Variants in AKAP6 observed in about 807,000 individuals in gnomAD.
AKAP6 encodes the protein A-kinase anchoring protein 6.
In AKAP6, 58 loss-of-function variants were observed where a neutral mutation model predicts 188.5. That is an observed-to-expected ratio of 0.31 (90% confidence interval 0.25 to 0.38). The LOEUF is 0.38. Among genes scored for constraint, AKAP6 ranks in the 10% least tolerant of loss-of-function variants. AKAP6 has a pLI of 1.00. For synonymous variants in AKAP6, 989 were observed against 998.6 expected (o/e 0.99, Z 0.18); for missense variants, 2,710 against 2,740.0 (o/e 0.99, Z 0.24).
At position 32,535,609 on chromosome 14, in the gene AKAP6, C is replaced by T; in HGVS notation, c.380C>T (p.Thr127Ile). ...GAGCAAATCCATGCCCTCCTTGAAA[C>T]AGAGTTCTCCCTAAAGCTGCTGTCT... is the stretch of plus-strand genomic sequence containing the variant. Reference protein sequence around the residue: ...HVEQIHALLETEFSLKLLSYS... With the variant: ...HVEQIHALLEIEFSLKLLSYS... Residue 127 changes from threonine (T) to isoleucine (I), a missense_variant, in exon 3 of 14, where the codon ACA becomes ATA. Physicochemically the swap from Thr to Ile is moderately conservative, Grantham distance 89. Around this residue, in one of 2 missense-constraint regions of AKAP6, gnomAD observed 237 missense variants for 313.9 expected, o/e 0.76. Coordinates refer to ENST00000280979, the MANE Select transcript of AKAP6 (RefSeq NM_004274.5). 1 of 1,614,178 alleles carries T rather than the reference C, an allele frequency of 6.2e-7. No individual in the cohort carries two copies. Among genetic ancestry groups the T allele is most frequent in the Non-Finnish European group, 8.5e-7 (1 of 1,179,982 alleles).
At chr14:32,695,853 C>A in intron 8 of AKAP6, 137 bp from the exon 9 acceptor site, 1 of 1,108,962 alleles carries the variant, frequency 9.0e-7, no homozygotes, top group Non-Finnish European at 1.2e-6. Flanking sequence ...CAGTGTGTAA[C>A]AACATAGAAA....
chr14:32,799,572 G>A (rs2033875750), intron 12 of AKAP6, among the ~76,000 whole-genome samples: 1 of 151,930 alleles, frequency 6.6e-6, no homozygotes, highest in African/African-American at 2.4e-5. Flanking sequence ...TAACTCAGGT[G>A]TTATTTAGTA....
intron 9 of AKAP6, among the ~76,000 whole-genome samples, chr14:32,717,608 T>TCA (rs57925449): frequency 0.16 from 24,050 of 147,692 alleles, 3,241 homozygotes; most frequent in African/African-American, 0.36. Context: ...TTGTCTCTTA[T>TCA]CACACACACA....
intron 4 of AKAP6, among the ~76,000 whole-genome samples, chr14:32,576,292 T>C (rs1053720126): frequency 6.6e-6 from 1 of 152,108 alleles, no homozygotes; most frequent in African/African-American, 2.4e-5. Flanking sequence ...GGTGGTGCTG[T>C]TTACCCAGAC....
chr14:32,757,286 G>T (rs1247629349), intron 11 of AKAP6, among the ~76,000 whole-genome samples: 1 of 152,164 alleles, frequency 6.6e-6, no homozygotes, highest in Non-Finnish European at 1.5e-5. Context: ...TCTGTTTAGG[G>T]GATGAGCACT....
chr14:32,534,298 AAATCACTAATGT>A (rs1461410088), intron 2 of AKAP6, among the ~76,000 whole-genome samples: 3 of 152,186 alleles, frequency 2.0e-5, no homozygotes, highest in African/African-American at 7.2e-5. Flanking sequence ...CAGTTTTAAA[AAATCACTAATGT>A]AAAACTAAAA....
At chr14:32,533,808 C>T (rs769967760) in intron 2 of AKAP6, among the ~76,000 whole-genome samples, 12 of 152,260 alleles carry the variant, frequency 7.9e-5, no homozygotes, top group East Asian at 3.9e-4. Flanking sequence ...CCAGCAGAGA[C>T]GAGCTAATCT....
chr14:32,558,976 C>T (rs370220512), intron 4 of AKAP6, among the ~76,000 whole-genome samples: 52 of 152,054 alleles, frequency 3.4e-4, no homozygotes, highest in East Asian at 1.7e-3. Context: ...GAAGGTGTCT[C>T]GTAAACTAAC....
chr14:32,645,482 T>C (rs1490555005), intron 7 of AKAP6, among the ~76,000 whole-genome samples: 2 of 152,190 alleles, frequency 1.3e-5, no homozygotes, highest in Non-Finnish European at 2.9e-5. Flanking sequence ...GGAGTCTCAC[T>C]TGTTGCCCTA....
intron 12 of AKAP6, among the ~76,000 whole-genome samples, chr14:32,793,210 C>T (rs2033662017): frequency 1.3e-5 from 2 of 151,938 alleles, no homozygotes; most frequent in Admixed American, 1.3e-4. Context: ...ACTAAATGCC[C>T]CAATTAAAAG....
At chr14:32,728,980 T>C (rs2031031219) in intron 9 of AKAP6, among the ~76,000 whole-genome samples, 1 of 152,280 alleles carries the variant, frequency 6.6e-6, no homozygotes, top group African/African-American at 2.4e-5. Flanking sequence ...AAAGATTCAC[T>C]CGGTAGAGTC....
At chr14:32,441,336 A>G (rs1890569555) in intron 2 of AKAP6, among the ~76,000 whole-genome samples, 1 of 152,198 alleles carries the variant, frequency 6.6e-6, no homozygotes, top group Non-Finnish European at 1.5e-5. Context: ...TGGTATCATC[A>G]ACTAATAAAA....
At chr14:32,330,048 G>T (rs184946840) in intron 1 of AKAP6, among the ~76,000 whole-genome samples, 38 of 152,212 alleles carry the variant, frequency 2.5e-4, no homozygotes, top group African/African-American at 8.2e-4. Context: ...TTGAAAGACT[G>T]CCACATATTT....
At chr14:32,485,957 C>A (rs114939507) in intron 2 of AKAP6, among the ~76,000 whole-genome samples, 1 of 152,118 alleles carries the variant, frequency 6.6e-6, no homozygotes, top group African/African-American at 2.4e-5. Context: ...TTAGGCCTTA[C>A]GTTTAAATCT....
chr14:32,524,553 AG>A (rs1161142164), intron 2 of AKAP6, among the ~76,000 whole-genome samples: 4 of 152,214 alleles, frequency 2.6e-5, no homozygotes, highest in Non-Finnish European at 4.4e-5. Context: ...TGTACAAAAA[AG>A]CAAAAGAGAA....
At chr14:32,583,557 G>T (rs1456093255) in intron 5 of AKAP6, among the ~76,000 whole-genome samples, 1 of 152,220 alleles carries the variant, frequency 6.6e-6, no homozygotes, top group Non-Finnish European at 1.5e-5. Flanking sequence ...CTTTTTGTTT[G>T]TCTGTGCCCT....
At chr14:32,714,508 A>C (rs555940077) in intron 9 of AKAP6, among the ~76,000 whole-genome samples, 1 of 152,118 alleles carries the variant, frequency 6.6e-6, no homozygotes, top group African/African-American at 2.4e-5. Flanking sequence ...TCAGACCATA[A>C]AAACATAAAT....
chr14:32,653,258 G>C (rs1434176721), intron 7 of AKAP6, among the ~76,000 whole-genome samples: 1 of 152,028 alleles, frequency 6.6e-6, no homozygotes, highest in Admixed American at 6.6e-5. Flanking sequence ...AATAAGTGTT[G>C]TGATATAGTT....
intron 1 of AKAP6, among the ~76,000 whole-genome samples, chr14:32,382,326 G>T (rs1458810909): frequency 6.6e-6 from 1 of 152,162 alleles, no homozygotes; most frequent in African/African-American, 2.4e-5. Context: ...ACCAGCATCA[G>T]AGTGGGACAT....
Sources: allele counts gnomAD v4.1 joint callset (sites outside exome capture counted in the v4.1 genomes callset), GRCh38; gene constraint gnomAD v4.1.1; regional missense constraint gnomAD v4.1.1; transcripts MANE v1.5; gene names NCBI Gene and HGNC (gene_info 2026-07-23, HGNC 2026-07-21).